Variants in PZP observed in about 807,000 individuals in gnomAD.
PZP encodes the protein pregnancy zone protein.
Under a neutral mutation model 179.8 loss-of-function variants are expected in PZP, and 150 were observed. The ratio of observed to expected loss-of-function variants is 0.83; its 90% CI spans 0.73 to 0.96. The LOEUF (loss-of-function observed/expected upper bound fraction) is 0.96, where lower values mean the gene tolerates loss of function less well. Ranked by LOEUF, PZP falls within the 40% of genes least tolerant of loss-of-function variation. The pLI is 0.00. For synonymous variants in PZP, 624 were observed against 652.3 expected, an observed-to-expected ratio of 0.96 and a Z score of 0.66; for missense variants, 1,689 against 1,764.0, an observed-to-expected ratio of 0.96 and a Z score of 0.76.
intron 15 of PZP, among the ~76,000 whole-genome samples, chr12:9,173,397 C>T (rs987727862): frequency 2.0e-5 from 3 of 152,138 alleles, no homozygotes; most frequent in African/African-American, 7.2e-5. Context: ...AACAACCTAA[C>T]ATCTCAACTA....
intron 13 of PZP, among the ~76,000 whole-genome samples, chr12:9,188,505 A>G (rs1415718825): frequency 6.6e-6 from 1 of 152,208 alleles, no homozygotes; most frequent in Non-Finnish European, 1.5e-5. Flanking sequence ...TGAACACAGT[A>G]TTGGAAGTCC....
Position 9,154,703 on chromosome 12 carries a change from G to A in PZP, c.3687C>T (p.Pro1229=). Residue 1229 remains proline (P), a synonymous_variant, in exon 29 of 36, where the codon CCC becomes CCT. Coordinates refer to ENST00000261336, the MANE Select transcript of PZP (RefSeq NM_002864.3). Reference sequence around the variant, plus strand: ...TTGCAGAGGTCAGGTCCCCTGAGGTGGGGGCTGGCTGGGCCGTGAGATAAG... The same window carrying A: ...TTGCAGAGGTCAGGTCCCCTGAGGTAGGGGCTGGCTGGGCCGTGAGATAAG... ...LLAYLTAQPA[P]TSGDLTSATN... 1 of 1,614,180 alleles carries A rather than the reference G, an allele frequency of 6.2e-7. No homozygotes were observed. Among genetic ancestry groups the A allele is most frequent in the African/African-American group, 1.3e-5 (1 of 75,030 alleles).
intron 8 of PZP, 141 bp downstream of exon 8, chr12:9,196,871 G>T: frequency 1.3e-6 from 1 of 784,364 alleles, no homozygotes; most frequent in Non-Finnish European, 2.1e-6. Context: ...TGAGAATCTT[G>T]TTGACTAAGA....
chr12:9,142,450 G>A, the PZP span, among the ~76,000 whole-genome samples: 5 of 152,322 alleles, frequency 3.3e-5, no homozygotes, highest in East Asian at 7.7e-4. Context: ...AAACAAAAAT[G>A]TATGCTGGCA....
intron 13 of PZP, among the ~76,000 whole-genome samples, chr12:9,189,627 A>C (rs1444611094): frequency 1.3e-5 from 2 of 152,300 alleles, no homozygotes; most frequent in African/African-American, 4.8e-5. Flanking sequence ...CAACAAATGC[A>C]AACATTGACA....
intron 2 of PZP, among the ~76,000 whole-genome samples, chr12:9,203,430 C>T (rs1284278993): frequency 1.3e-5 from 2 of 151,202 alleles, no homozygotes; most frequent in African/African-American, 4.9e-5. Flanking sequence ...CAAACTTCGC[C>T]TCCCGGGTTC....
In PZP at chr12:9,151,686, G is replaced by A; in HGVS notation, c.4213-14C>T. On this transcript the variant is annotated splice_polypyrimidine_tract_variant and intron_variant, in intron 32 of 35. Transcript: ENST00000261336. ...AGATCTTTCAAGCTGGAGAGAATTA[G>A]AAAACTTCAGTTAAAGTTAGAGAAC... 1 of 1,609,440 alleles carries A rather than the reference G, an allele frequency of 6.2e-7. No homozygotes were observed. Among genetic ancestry groups the A allele is most frequent in the South Asian group, 1.1e-5 (1 of 90,820 alleles).
At chr12:9,196,548 C>A in intron 9 of PZP, 23 bp downstream of exon 9, 1 of 1,581,068 alleles carries the variant, frequency 6.3e-7, no homozygotes. Context: ...GTTTTATTTC[C>A]CATATTCGTT....
At chr12:9,180,900 A>G (rs1455566522) in intron 15 of PZP, 83 bp downstream of exon 15, 10 of 1,458,970 alleles carry the variant, frequency 6.9e-6, no homozygotes, top group Middle Eastern at 2.4e-4. Flanking sequence ...CAACCTACTC[A>G]TCTGACAAAG....
rs763800399 is a variant in PZP, at chr12:9,197,101, G to A, written c.778C>T (p.Pro260Ser). ...CACAGGCTCACAGTTGCAAGTCCTG[G>A]GACAGGCTTCCCATAAGTGTATCTG... ...CGEYTYGKPV[P>S]GLATVSLCRK... is the part of the protein sequence containing the mutation. The change falls in exon 8 of 36, where the codon CCA (proline) becomes TCA (serine). Residue 260 changes from proline to serine, a missense_variant. By Grantham distance (74) the Pro-to-Ser change is moderately conservative (BLOSUM62 -1). Around this residue, in one of 3 missense-constraint regions of PZP, gnomAD observed 742 missense variants for 730.5 expected, o/e 1.02. Transcript: ENST00000261336. The A allele has an allele frequency of 8.7e-6, 14 of 1,612,498 alleles. No homozygotes were observed. The highest frequency in any genetic ancestry group is 3.3e-4 in the Middle Eastern group (2 of 6,050).
chr12:9,182,850 A>T (rs1379785346), intron 13 of PZP, among the ~76,000 whole-genome samples: 4 of 152,176 alleles, frequency 2.6e-5, no homozygotes, highest in Non-Finnish European at 5.9e-5. Context: ...ATGACTGAAA[A>T]GTTTCTGAGA....
intron 13 of PZP, among the ~76,000 whole-genome samples, chr12:9,188,898 A>G (rs1943289110): frequency 6.6e-6 from 1 of 152,210 alleles, no homozygotes; most frequent in African/African-American, 2.4e-5. Context: ...AAATGGAAAA[A>G]TATTCCATGC....
In PZP at chr12:9,168,896, C is replaced by T. The variant is rs755146982; in HGVS notation, c.2080G>A (p.Gly694Arg). The change falls in exon 17 of 36, where the codon GGA (glycine) becomes AGA (arginine). Residue 694 changes from glycine (G) to arginine (R), a missense_variant. Physicochemically the swap from Gly to Arg is moderately radical, Grantham distance 125 (BLOSUM62 -2). Transcript: ENST00000261336. ...CCATAGTATCCTTGACCTACTGCTC[C>T]TGCAGACACGGAAGGGATGACTGAA... ...SCSVIPSVSA[G>R]AVGQGYYGAG... 6.2e-6 allele frequency: 10 copies of T among 1,614,016 alleles called. No individual in the cohort carries two copies. The highest frequency in any genetic ancestry group is 1.7e-4 in the Middle Eastern group (1 of 6,060).
chr12:9,136,935 T>G, the PZP span, among the ~76,000 whole-genome samples: 3 of 152,226 alleles, frequency 2.0e-5, no homozygotes, highest in East Asian at 3.8e-4. Flanking sequence ...AGCAACCCCT[T>G]GTCAGACACA....
At chr12:9,197,638 T>C in intron 7 of PZP, among the ~76,000 whole-genome samples, 1 of 67,550 alleles carries the variant, frequency 1.5e-5, no homozygotes, top group South Asian at 4.7e-4. Flanking sequence ...TATTATATAT[T>C]ATATTATATA....
At chr12:9,189,119 A>G (rs1189245301) in intron 13 of PZP, among the ~76,000 whole-genome samples, 2 of 152,206 alleles carry the variant, frequency 1.3e-5, no homozygotes, top group Non-Finnish European at 1.5e-5. Flanking sequence ...ACTACCAACG[A>G]CATCCTTCAC....
At chr12:9,143,105 G>A in the PZP span, among the ~76,000 whole-genome samples, 4 of 152,280 alleles carry the variant, frequency 2.6e-5, no homozygotes, top group South Asian at 8.3e-4. Context: ...TTTTCATCAG[G>A]GGTGAGGGTT....
At chr12:9,191,261 C>T (rs762136310) in intron 13 of PZP, among the ~76,000 whole-genome samples, 2 of 152,008 alleles carry the variant, frequency 1.3e-5, no homozygotes, top group South Asian at 4.2e-4. Context: ...GATACATAGA[C>T]CAGTATTAGA....
Position 9,194,077 on chromosome 12 carries a change from C to T in PZP, c.1254G>A (p.Arg418=). The T allele has an allele frequency of 6.2e-7, 1 of 1,611,464 alleles. No individual in the cohort carries two copies. Among genetic ancestry groups the T allele is most frequent in the Non-Finnish European group, 8.5e-7 (1 of 1,178,308 alleles). The change falls in exon 11 of 36, where the codon CGG becomes CGA. Residue 418 remains arginine (R), a splice_region_variant and synonymous_variant. Coordinates refer to ENST00000261336, the MANE Select transcript of PZP (RefSeq NM_002864.3). ...CAGAGATTTGTCTTTCTATACTTAC[C>T]CGGACAAAAAGTTTATTAACCGAGA... ...TSISVNKLFV[R]VFTVHPNLCF...
Sources: gnomAD v4.1 joint callset for allele counts (sites outside exome capture counted in the v4.1 genomes callset) on GRCh38, gnomAD v4.1.1 for gene constraint, gnomAD v4.1.1 regional missense constraint, MANE v1.5 for transcripts, NCBI Gene and HGNC (gene_info 2026-07-23, HGNC 2026-07-21) for gene names.